Variants in POM121 observed in about 807,000 individuals in gnomAD.
The protein encoded by POM121 is POM121 transmembrane nucleoporin, also known as nuclear envelope pore membrane protein POM 121.
A neutral mutation model predicts 81.3 loss-of-function variants in POM121; 32 were observed. The ratio of observed to expected loss-of-function variants is 0.39; its 90% CI spans 0.30 to 0.53. The LOEUF (loss-of-function observed/expected upper bound fraction) is 0.53, where lower values mean the gene tolerates loss of function less well. Ranked by LOEUF, POM121 falls within the 20% of genes least tolerant of loss-of-function variation. The pLI, the probability that POM121 is intolerant of heterozygous loss-of-function variation, is 0.66. For missense variants in POM121, 1,138 were observed against 1,614.6 expected, an observed-to-expected ratio of 0.70 and a Z score of 5.06; for synonymous variants, 514 against 694.2, an observed-to-expected ratio of 0.74 and a Z score of 4.08.
chr7:72,891,121 A>G (rs1791256659), intron 3 of POM121: 4 of 976,300 alleles, frequency 4.1e-6, no homozygotes, highest in Non-Finnish European at 6.4e-6. Context: ...GTAAGTTAGT[A>G]GAGTATCAAA....
chr7:72,939,740 T>C, intron 7 of POM121, 107 bp from the exon 8 acceptor site: 1 of 1,608,578 alleles, frequency 6.2e-7, no homozygotes, highest in African/African-American at 1.3e-5. Flanking sequence ...TTGAATCTTT[T>C]CAGAGATACC....
At chr7:72,921,707 G>A (rs183596721), upstream of POM121, among the ~76,000 whole-genome samples, 1 of 152,218 alleles carries the variant, frequency 6.6e-6, no homozygotes, top group Non-Finnish European at 1.5e-5. Context: ...TTTTTTAACA[G>A]CTTTATTAAT....
chr7:72,923,881 C>T (rs1360422934), upstream of POM121, among the ~76,000 whole-genome samples: 6 of 150,860 alleles, frequency 4.0e-5, no homozygotes, highest in African/African-American at 1.2e-4. Flanking sequence ...AATTCAGGCA[C>T]GAGCCACCGC....
chr7:72,935,260 A>G (rs1420976795), intron 5 of POM121, among the ~76,000 whole-genome samples: 2 of 151,646 alleles, frequency 1.3e-5, no homozygotes, highest in Admixed American at 1.3e-4. Flanking sequence ...ACTGCCTTGA[A>G]CTCCCAGGCT....
rs1554503691 is a variant in POM121 at position 72,947,970 on chromosome 7, G to A, written c.*1736G>A. On this transcript the variant is annotated 3_prime_UTR_variant, in exon 13 of 13. Coordinates refer to ENST00000434423, the MANE Select transcript of POM121 (RefSeq NM_001387691.1). The stretch of plus-strand genomic sequence containing the variant: ...CAGCTGAGGAGGGAGTGAACCTCAA[G>A]CCTAAATACCTGTTAGGATTGGAGG... 9.4e-7 allele frequency: 1 copy of A among 1,067,438 alleles called. No individual in the cohort carries two copies. Among genetic ancestry groups the A allele is most frequent in the African/African-American group, 1.7e-5 (1 of 59,612 alleles). The allele number at this position is 1,067,438 out of a possible 1,614,324, so 66.1% of individuals were successfully genotyped here. A position where few individuals can be genotyped will look rare whatever the true frequency, so the allele number is the denominator to read the frequency against.
rs2129581352 is a variant in POM121, at chr7:72,948,089, A to C, written c.*1855A>C. On this transcript the variant is annotated 3_prime_UTR_variant, in exon 13 of 13. Transcript: ENST00000434423. ...GTCAGTACCTGAGCTAGTTTACCTC[A>C]GTTCCGCAGGCAGGACAGCCGGTCC... is the stretch of plus-strand genomic sequence containing the variant. 1 of 1,351,002 alleles carries C rather than the reference A, an allele frequency of 7.4e-7. No homozygotes were observed. The highest frequency in any genetic ancestry group is 1.5e-5 in the African/African-American group (1 of 67,478). 83.7% of individuals were successfully genotyped at this position (1,351,002 alleles called of 1,614,324 possible). A position where few individuals can be genotyped will look rare whatever the true frequency, so the allele number is the denominator to read the frequency against.
intron 10 of POM121, among the ~76,000 whole-genome samples, 160 bp downstream of exon 10, chr7:72,941,153 G>A (rs1341641152): frequency 6.7e-6 from 1 of 149,472 alleles, no homozygotes; most frequent in African/African-American, 2.4e-5. Context: ...CAGCGCCAGA[G>A]CCCGCATCAG....
intron 4 of POM121, among the ~76,000 whole-genome samples, chr7:72,920,008 T>C (rs1368045046): frequency 6.6e-6 from 1 of 152,240 alleles, no homozygotes; most frequent in Non-Finnish European, 1.5e-5. Flanking sequence ...TTTGATTATG[T>C]GACTTGTTAC....
chr7:72,946,302 A>G lies in POM121; in HGVS notation c.*68A>G. On this transcript the variant is annotated 3_prime_UTR_variant, in exon 13 of 13. Coordinates refer to ENST00000434423, the MANE Select transcript of POM121 (RefSeq NM_001387691.1). ...CTGGACCTTGGCACCTGCTAGGAAG[A>G]GCCTTGGACCCTTCCAGTTGCGTAA... 1 of 1,586,902 alleles carries G rather than the reference A, an allele frequency of 6.3e-7. No individual in the cohort carries two copies. The highest frequency in any genetic ancestry group is 8.6e-7 in the Non-Finnish European group (1 of 1,167,882).
In POM121 at chr7:72,930,016, A is replaced by G. The variant is rs1795856394; in HGVS notation, c.1180A>G (p.Met394Val). Reference sequence around the variant, plus strand: ...GAATAAGAGATCCCGAAGCTCTTCCATGAGCTCCTTGACAGGCGCTTACGC... The same window carrying G: ...GAATAAGAGATCCCGAAGCTCTTCCGTGAGCTCCTTGACAGGCGCTTACGC... ...HLNKRSRSSS[M>V]SSLTGAYASG... is the part of the protein sequence containing the mutation. The change falls in exon 5 of 13, where the codon ATG (methionine) becomes GTG (valine). Residue 394 changes from methionine to valine, a missense_variant. Met to Val is a conservative substitution (Grantham distance 21). Transcript: ENST00000434423. 6.2e-7 allele frequency: 1 copy of G among 1,614,024 alleles called. No homozygotes were observed. Among genetic ancestry groups the G allele is most frequent in the Non-Finnish European group, 8.5e-7 (1 of 1,179,864 alleles).
intron 5 of POM121, among the ~76,000 whole-genome samples, chr7:72,931,119 C>A (rs1472723061): frequency 6.6e-6 from 1 of 151,788 alleles, no homozygotes; most frequent in Non-Finnish European, 1.5e-5. Flanking sequence ...CATTAATGAC[C>A]GTAATATCAT....
At chr7:72,896,986 C>T (rs1251166158) in intron 3 of POM121, among the ~76,000 whole-genome samples, 4 of 152,154 alleles carry the variant, frequency 2.6e-5, no homozygotes, top group Non-Finnish European at 5.9e-5. Context: ...TTTGGGAGGC[C>T]GAGGTCAGGA....
In POM121 at chr7:72,895,167, C is replaced by T. The variant is rs75374828; in HGVS notation, c.-216+4057C>T. On this transcript the variant is annotated intron_variant, in intron 3 of 15. Coordinates refer to the POM121 transcript ENST00000395270. ...ACACTTGGAGCACTTCTTGCTCTTC[C>T]ACACCATCTCAATGACCAGGGTTGT... Among the ~76,000 whole-genome samples the T allele has an allele frequency of 3.3e-3, 507 of 152,282 alleles. 2 individuals are homozygous for T. Among genetic ancestry groups the T allele is most frequent in the African/African-American group, 0.012 (490 of 41,568 alleles).
chr7:72,943,909 A>G (rs1797396717), intron 11 of POM121, among the ~76,000 whole-genome samples: 1 of 152,174 alleles, frequency 6.6e-6, no homozygotes, highest in African/African-American at 2.4e-5. Context: ...GCGTGGTGGT[A>G]CCCACCTGTA....
chr7:72,920,792 C>G (rs1272683861), upstream of POM121, among the ~76,000 whole-genome samples: 1 of 152,212 alleles, frequency 6.6e-6, no homozygotes, highest in African/African-American at 2.4e-5. Context: ...AAGACTGATT[C>G]TTTCCCATTC....
At chr7:72,909,455 TTGAG>T (rs1396863251) in intron 3 of POM121, among the ~76,000 whole-genome samples, 2 of 152,308 alleles carry the variant, frequency 1.3e-5, no homozygotes, top group Admixed American at 6.5e-5. Context: ...CCTGGACACT[TTGAG>T]TGTTATGTTA....
At chr7:72,906,578 G>A (rs1326386014) in intron 3 of POM121, among the ~76,000 whole-genome samples, 10 of 152,292 alleles carry the variant, frequency 6.6e-5, no homozygotes, top group South Asian at 2.1e-4. Context: ...TGAAGGGACT[G>A]ATCTCTACAC....
chr7:72,936,293 G>A (rs1270240290), intron 5 of POM121, among the ~76,000 whole-genome samples: 2 of 151,456 alleles, frequency 1.3e-5, no homozygotes, highest in East Asian at 3.9e-4. Flanking sequence ...CTCCCAAAGT[G>A]TTGGGATTAC....
chr7:72,905,456 C>G (rs879964630), intron 3 of POM121, among the ~76,000 whole-genome samples: 1 of 152,140 alleles, frequency 6.6e-6, no homozygotes, highest in African/African-American at 2.4e-5. Flanking sequence ...GTAATCCCAT[C>G]ACTTTGGGAG....
Sources: allele counts gnomAD v4.1 joint callset (sites outside exome capture counted in the v4.1 genomes callset), GRCh38; gene constraint gnomAD v4.1.1; transcripts MANE v1.5; gene names NCBI Gene and HGNC (gene_info 2026-07-23, HGNC 2026-07-21).